CRYBG1: variants seen among roughly 807,000 people sequenced by gnomAD.
CRYBG1 encodes beta/gamma crystallin domain-containing protein 1.
A neutral mutation model predicts 189.2 loss-of-function variants in CRYBG1; 139 were observed. The observed-to-expected ratio is 0.73, with a 90% CI of 0.64 to 0.85. The LOEUF is 0.85. Ranked by LOEUF, CRYBG1 falls within the 40% of genes least tolerant of loss-of-function variation. CRYBG1 has a pLI of 0.00. For missense variants in CRYBG1, 2,611 were observed against 2,675.8 expected (o/e 0.98, Z 0.53); for synonymous variants, 1,023 against 1,017.1 (o/e 1.01, Z -0.11).
chr6:106,424,962 C>A (rs1771198953), intron 1 of CRYBG1, among the ~76,000 whole-genome samples: 1 of 152,196 alleles, frequency 6.6e-6, no homozygotes, highest in Non-Finnish European at 1.5e-5. Flanking sequence ...AAAAATCCCG[C>A]AGACTCTCTG....
At chr6:106,516,908 G>A (rs1773436088) in intron 3 of CRYBG1, among the ~76,000 whole-genome samples, 1 of 151,826 alleles carries the variant, frequency 6.6e-6, no homozygotes. Flanking sequence ...AATTAAGTAA[G>A]CCCGATGAAG....
Position 106,520,665 on chromosome 6 carries a change from G to A in CRYBG1, c.3457G>A (p.Asp1153Asn). Residue 1153 changes from aspartate (D) to asparagine (N), a missense_variant, in exon 4 of 22, where the codon GAT (aspartate) becomes AAT (asparagine). Physicochemically the swap from Asp to Asn is conservative, Grantham distance 23 (BLOSUM62 1). Transcript: ENST00000633556. Reference protein sequence around the residue: ...IHEDHLEKVFDPKVFTFGLGK... With the variant: ...IHEDHLEKVFNPKVFTFGLGK... ...CGAAGACCATTTAGAAAAGGTGTTT[G>A]ATCCCAAAGTGTTTACCTTTGGTTT... 6.2e-7 allele frequency: 1 copy of A among 1,614,180 alleles called. No individual in the cohort carries two copies. Among genetic ancestry groups the A allele is most frequent in the Non-Finnish European group, 8.5e-7 (1 of 1,180,026 alleles).
intron 2 of CRYBG1, among the ~76,000 whole-genome samples, chr6:106,467,050 G>C (rs1772129448): frequency 6.6e-6 from 1 of 152,176 alleles, no homozygotes; most frequent in African/African-American, 2.4e-5. Flanking sequence ...TAAGATAGAG[G>C]CTGTTGAGTG....
intron 1 of CRYBG1, among the ~76,000 whole-genome samples, chr6:106,363,298 G>T (rs922964154): frequency 2.7e-5 from 4 of 150,672 alleles, no homozygotes; most frequent in Non-Finnish European, 5.9e-5. Context: ...CTCTCCTTGA[G>T]TTTTTTTATA....
chr6:106,546,048 A>C (rs944728613), intron 13 of CRYBG1, among the ~76,000 whole-genome samples: 1 of 152,170 alleles, frequency 6.6e-6, no homozygotes, highest in Non-Finnish European at 1.5e-5. Context: ...TTGCTTTCCT[A>C]GGCTTGGGTC....
chr6:106,368,876 A>G (rs752297394), intron 1 of CRYBG1, among the ~76,000 whole-genome samples: 3 of 152,168 alleles, frequency 2.0e-5, no homozygotes, highest in Non-Finnish European at 2.9e-5. Context: ...AAAAAAAAAT[A>G]AACAACCATA....
At chr6:106,487,646 G>T (rs994787392) in intron 2 of CRYBG1, among the ~76,000 whole-genome samples, 2 of 152,036 alleles carry the variant, frequency 1.3e-5, no homozygotes, top group Non-Finnish European at 2.9e-5. Flanking sequence ...TCAGCTCCAA[G>T]ATTTCTGTTT....
chr6:106,363,238 C>A (rs1283862906), intron 1 of CRYBG1, among the ~76,000 whole-genome samples: 1 of 70,930 alleles, frequency 1.4e-5, no homozygotes, highest in South Asian at 5.6e-4. Context: ...AGCGAAACTC[C>A]GTCTCAAAAA....
At chr6:106,494,510 T>C (rs1171129142) in intron 2 of CRYBG1, among the ~76,000 whole-genome samples, 1 of 152,162 alleles carries the variant, frequency 6.6e-6, no homozygotes, top group Non-Finnish European at 1.5e-5. Context: ...GTGGTCATGA[T>C]GAAAGAAAGA....
intron 1 of CRYBG1, among the ~76,000 whole-genome samples, chr6:106,376,831 A>G (rs533931366): frequency 1.3e-5 from 2 of 152,228 alleles, no homozygotes; most frequent in South Asian, 2.1e-4. Flanking sequence ...CGCTCTTTAT[A>G]TTTTAGGTTT....
intron 19 of CRYBG1, 38 bp downstream of exon 19, chr6:106,560,964 T>C: frequency 2.0e-6 from 3 of 1,523,140 alleles, no homozygotes; most frequent in Non-Finnish European, 2.6e-6. Context: ...TAGACTCTTC[T>C]CTGAAATTTT....
chr6:106,518,558 C>T (rs1773494609), intron 3 of CRYBG1, among the ~76,000 whole-genome samples: 2 of 152,152 alleles, frequency 1.3e-5, no homozygotes, highest in East Asian at 1.9e-4. Context: ...TCCCTCATCC[C>T]TAGAGTTTCT....
chr6:106,554,332 G>A (rs1477599151), intron 16 of CRYBG1, among the ~76,000 whole-genome samples: 2 of 152,204 alleles, frequency 1.3e-5, no homozygotes, highest in African/African-American at 4.8e-5. Flanking sequence ...CACAGATGGA[G>A]GCCGGGTGCA....
intron 1 of CRYBG1, among the ~76,000 whole-genome samples, chr6:106,421,580 G>C (rs888257404): frequency 6.6e-6 from 1 of 152,084 alleles, no homozygotes; most frequent in African/African-American, 2.4e-5. Context: ...CCTCCAAAGG[G>C]GAGGGCTTTG....
At chr6:106,415,923 T>C (rs1771012997) in intron 1 of CRYBG1, among the ~76,000 whole-genome samples, 1 of 151,886 alleles carries the variant, frequency 6.6e-6, no homozygotes, top group Non-Finnish European at 1.5e-5. Context: ...TGCCTGGCAG[T>C]CCCCCCCATT....
At chr6:106,375,998 T>TTC (rs201451043) in intron 1 of CRYBG1, among the ~76,000 whole-genome samples, 1 of 152,048 alleles carries the variant, frequency 6.6e-6, no homozygotes, top group Non-Finnish European at 1.5e-5. Context: ...AATATGGTAT[T>TTC]TCTCTCTCTC....
intron 2 of CRYBG1, among the ~76,000 whole-genome samples, chr6:106,479,338 C>A (rs917331728): frequency 2.6e-5 from 4 of 152,164 alleles, no homozygotes; most frequent in African/African-American, 9.7e-5. Flanking sequence ...AAGGGCACAA[C>A]CCTCATGACC....
chr6:106,544,750 T>C, intron 12 of CRYBG1, 38 bp from the exon 13 acceptor site: 1 of 1,605,972 alleles, frequency 6.2e-7, no homozygotes, highest in Non-Finnish European at 8.5e-7. Context: ...GGATAATAAA[T>C]GGCTAGCCTT....
chr6:106,515,290 CT>C (rs576542869), intron 3 of CRYBG1, among the ~76,000 whole-genome samples: 32 of 152,304 alleles, frequency 2.1e-4, no homozygotes, highest in Admixed American at 1.8e-3. Flanking sequence ...AGGAGCCTTC[CT>C]TTTAATCAGT....
Sources: allele counts gnomAD v4.1 joint callset (sites outside exome capture counted in the v4.1 genomes callset), GRCh38; gene constraint gnomAD v4.1.1; transcripts MANE v1.5; gene names NCBI Gene and HGNC (gene_info 2026-07-23, HGNC 2026-07-21).